Variants in NBPF12 observed in about 807,000 individuals in gnomAD.
NBPF12 encodes NBPF member 12.
In NBPF12, 115 loss-of-function variants were observed where a neutral mutation model predicts 146.4. The ratio of observed to expected loss-of-function variants is 0.79; its 90% CI spans 0.68 to 0.92. NBPF12 has a LOEUF of 0.92. Among genes scored for constraint, NBPF12 ranks in the 40% least tolerant of loss-of-function variants. NBPF12 has a pLI of 0.00. For missense variants in NBPF12, 1,205 were observed against 1,326.8 expected (o/e 0.91, Z 1.43); for synonymous variants, 385 against 508.9 (o/e 0.76, Z 3.28).
chr1:146,954,158 G>A (rs1307053118), intron 2 of NBPF12, among the ~76,000 whole-genome samples: 2 of 150,390 alleles, frequency 1.3e-5, no homozygotes, highest in South Asian at 2.1e-4. Context: ...TTGGGAAGCC[G>A]AGGTGGGCAG....
At chr1:146,946,987 A>G (rs1380444834), upstream of NBPF12, among the ~76,000 whole-genome samples, 1 of 151,962 alleles carries the variant, frequency 6.6e-6, no homozygotes, top group Non-Finnish European at 1.5e-5. Context: ...AGTGGACTGT[A>G]TGTAGGCCTG....
intron 1 of NBPF12, among the ~76,000 whole-genome samples, chr1:146,950,203 A>C (rs1237337379): frequency 3.3e-5 from 5 of 151,696 alleles, no homozygotes; most frequent in African/African-American, 1.2e-4. Context: ...TTAGTTCAAC[A>C]TGAAAAATGT....
At chr1:146,959,834 T>C in intron 2 of NBPF12, 25 bp from the exon 6 acceptor site, 1 of 129,758 alleles carries the variant, frequency 7.7e-6, no homozygotes. Flanking sequence ...ACCCCTACCT[T>C]CTAATTCTGT....
At chr1:146,981,720 A>G (rs1383304404) in intron 19 of NBPF12, among the ~76,000 whole-genome samples, 2 of 151,858 alleles carry the variant, frequency 1.3e-5, no homozygotes, top group Non-Finnish European at 2.9e-5. Flanking sequence ...CTTTTCACAT[A>G]GTCCCATATT....
chr1:146,986,412 A>T, exon 24 of NBPF12: 1 of 699,690 alleles, frequency 1.4e-6, no homozygotes, highest in Non-Finnish European at 2.6e-6. Context: ...CACTGGATAG[A>T]TGTTATTCGA....
intron 27 of NBPF12, among the ~76,000 whole-genome samples, chr1:146,989,340 G>A (rs1173258192): frequency 1.7e-3 from 168 of 99,656 alleles, no homozygotes; most frequent in South Asian, 8.1e-3. Context: ...CTTTCTCTCT[G>A]TCTCTGTCTC....
intron 10 of NBPF12, among the ~76,000 whole-genome samples, chr1:146,968,959 T>C (rs1429245886): frequency 1.4e-4 from 21 of 151,348 alleles, no homozygotes; most frequent in African/African-American, 4.9e-4. Context: ...CCTGTCATTC[T>C]TTTCTTCTTT....
In NBPF12 at chr1:146,994,529, C is replaced by G. The variant is rs587645371; in HGVS notation, c.4328C>G (p.Thr1443Arg). 97 of 1,609,696 alleles carry G rather than the reference C, an allele frequency of 6.0e-5. 1 individual carries two copies. Among genetic ancestry groups the G allele is most frequent in the African/African-American group, 5.7e-4 (42 of 73,608 alleles). ...AATAGCTTTTTTACTTTGACGGTGACAAGTCTCCACCTGGTCTTCCAGATG... is the reference window on the plus strand; with the variant it reads ...AATAGCTTTTTTACTTTGACGGTGAGAAGTCTCCACCTGGTCTTCCAGATG... Residue 1443 changes from threonine (T) to arginine (R), a missense_variant, in exon 34 of 34, where the codon ACA (threonine) becomes AGA (arginine). Transcript: ENST00000617844.
chr1:146,952,204 A>T (rs1655354722), intron 2 of NBPF12, among the ~76,000 whole-genome samples: 1 of 152,046 alleles, frequency 6.6e-6, no homozygotes, highest in African/African-American at 2.4e-5. Context: ...AGGCAGGTTT[A>T]TTGAAAAGGT....
At position 146,964,417 on chromosome 1, in the gene NBPF12, C is replaced by A. The variant is rs1553885242; in HGVS notation, c.554C>A (p.Ser185Ter). 24 of 1,601,350 alleles carry A rather than the reference C, an allele frequency of 1.5e-5. No individual in the cohort carries two copies. In the Admixed American group the frequency reaches 4.0e-4, roughly 27 times the overall value. ...GAGGAGGATGAGAAAGTACTGGAAT[C>A]ATCTGCCCCCAGGTAACACTGAATA... The change falls in exon 7 of 34, where the codon TCA (serine) becomes TAA (stop). Residue 185 changes from serine to a stop codon, truncating the protein, a stop_gained. Transcript: ENST00000617844. LOFTEE classifies it high-confidence loss of function.
At chr1:146,964,287 G>A in intron 6 of NBPF12, 70 bp from the exon 10 acceptor site, 1 of 1,589,220 alleles carries the variant, frequency 6.3e-7, no homozygotes, top group Non-Finnish European at 8.6e-7. Context: ...ATGTCTCTGT[G>A]CACGTTGGGC....
intron 11 of NBPF12, among the ~76,000 whole-genome samples, chr1:146,969,802 C>T (rs1656464316): frequency 6.6e-6 from 1 of 151,270 alleles, no homozygotes; most frequent in East Asian, 1.9e-4. Flanking sequence ...GTCCCTCCTT[C>T]CTTGATGGAA....
intron 1 of NBPF12, among the ~76,000 whole-genome samples, chr1:146,950,153 C>T (rs1655266840): frequency 1.3e-5 from 2 of 151,894 alleles, no homozygotes; most frequent in East Asian, 1.9e-4. Flanking sequence ...GTGCATTTAC[C>T]CTCTCCCCTG....
At chr1:146,949,907 C>T (rs1655252207) in intron 1 of NBPF12, among the ~76,000 whole-genome samples, 2 of 151,868 alleles carry the variant, frequency 1.3e-5, no homozygotes, top group Non-Finnish European at 2.9e-5. Context: ...TCTCTGACTT[C>T]ATCTTCTCCA....
chr1:146,948,396 C>G (rs1476345097), upstream of NBPF12, among the ~76,000 whole-genome samples: 4 of 151,746 alleles, frequency 2.6e-5, no homozygotes, highest in Non-Finnish European at 2.9e-5. Flanking sequence ...TTGTTCTGTA[C>G]TAAGAAAAAT....
At chr1:146,943,967 G>A (rs1256290054) in intron 2 of NBPF12, among the ~76,000 whole-genome samples, 9 of 135,162 alleles carry the variant, frequency 6.7e-5, no homozygotes, top group East Asian at 2.2e-4. Context: ...CTGTCCACCC[G>A]CATCCCCCAG....
intron 8 of NBPF12, among the ~76,000 whole-genome samples, chr1:146,965,971 T>A (rs1287567477): frequency 6.8e-6 from 1 of 147,878 alleles, no homozygotes; most frequent in East Asian, 2.0e-4. Context: ...AGCTGTCATG[T>A]TACTTGGCGC....
intron 13 of NBPF12, among the ~76,000 whole-genome samples, 163 bp from the exon 17 acceptor site, chr1:146,972,588 T>G (rs1656723284): frequency 6.6e-6 from 1 of 151,440 alleles, no homozygotes; most frequent in Non-Finnish European, 1.5e-5. Flanking sequence ...TAAGACAAGT[T>G]GACTTAAAGG....
At chr1:146,989,127 T>A (rs1302897186) in intron 27 of NBPF12, among the ~76,000 whole-genome samples, 178 bp downstream of exon 30, 1 of 93,240 alleles carries the variant, frequency 1.1e-5, no homozygotes, top group East Asian at 2.4e-4. Context: ...CCTCCCCTTA[T>A]CATTTAGTAA....
Sources: gnomAD v4.1 joint callset for allele counts (sites outside exome capture counted in the v4.1 genomes callset) on GRCh38, gnomAD v4.1.1 for gene constraint, MANE v1.5 for transcripts, NCBI Gene and HGNC (gene_info 2026-07-23, HGNC 2026-07-21) for gene names.